Variants in DRC2 observed in about 807,000 individuals in gnomAD.
DRC2 encodes the protein dynein regulatory complex subunit 2, also known as coiled-coil domain containing 65.
chr12:48,915,889 G>A, the DRC2 span, among the ~76,000 whole-genome samples: 2 of 150,342 alleles, frequency 1.3e-5, no homozygotes, highest in African/African-American at 2.4e-5. Context: ...CAGACGGGGC[G>A]GCTGGGCAGA....
At chr12:48,921,061 G>C in the DRC2 span, 1 of 1,611,790 alleles carries the variant, frequency 6.2e-7, no homozygotes, top group Non-Finnish European at 8.5e-7. Flanking sequence ...ATCTAGAAGA[G>C]CTTACTGAGG....
chr12:48,915,256 C>T, the DRC2 span, among the ~76,000 whole-genome samples: 4 of 150,540 alleles, frequency 2.7e-5, no homozygotes, highest in African/African-American at 7.3e-5. Context: ...GAGGACCCTG[C>T]GGCCTTCCAC....
chr12:48,917,372 GA>G, the DRC2 span, among the ~76,000 whole-genome samples: 1 of 149,914 alleles, frequency 6.7e-6, no homozygotes, highest in Non-Finnish European at 1.5e-5. Flanking sequence ...GCTGAGGTAG[GA>G]TGATCGCTTG....
At chr12:48,919,392 T>C in the DRC2 span, among the ~76,000 whole-genome samples, 1 of 151,234 alleles carries the variant, frequency 6.6e-6, no homozygotes, top group African/African-American at 2.4e-5. Flanking sequence ...AGAGATGGGG[T>C]TTCGCCATGT....
chr12:48,918,602 TCCC>T, the DRC2 span: 1 of 1,500,314 alleles, frequency 6.7e-7, no homozygotes, highest in Non-Finnish European at 9.1e-7. Flanking sequence ...CTGATTTCAG[TCCC>T]CAGGCAGCCC....
At chr12:48,905,636 C>A in the DRC2 span, among the ~76,000 whole-genome samples, 1 of 152,196 alleles carries the variant, frequency 6.6e-6, no homozygotes, top group Admixed American at 6.6e-5. Flanking sequence ...ATCAGCCATC[C>A]TTATGCTCTT....
At chr12:48,911,163 A>G in the DRC2 span, among the ~76,000 whole-genome samples, 1 of 152,204 alleles carries the variant, frequency 6.6e-6, no homozygotes, top group East Asian at 1.9e-4. Flanking sequence ...CAAGAGGCAC[A>G]TATTGTCTAG....
the DRC2 span, chr12:48,916,863 A>G: frequency 2.0e-6 from 2 of 1,007,768 alleles, no homozygotes; most frequent in Non-Finnish European, 2.9e-6. Flanking sequence ...CTCCATCAGT[A>G]CCTAAGAGTT....
At chr12:48,909,037 C>CTTTTTT in the DRC2 span, among the ~76,000 whole-genome samples, 301 of 82,290 alleles carry the variant, frequency 3.7e-3, 2 homozygotes, top group African/African-American at 8.6e-3. Context: ...TTTTCTTTCT[C>CTTTTTT]TTTTTTTTTT....
the DRC2 span, chr12:48,918,340 G>A: frequency 6.2e-7 from 1 of 1,614,196 alleles, no homozygotes; most frequent in African/African-American, 1.3e-5. Context: ...TGTGGAGAAA[G>A]TTCCAGGATG....
chr12:48,913,516 C>T, the DRC2 span, among the ~76,000 whole-genome samples: 4 of 150,036 alleles, frequency 2.7e-5, no homozygotes, highest in South Asian at 4.2e-4. Context: ...ATTTTGAGAC[C>T]GAGTCTCGCA....
chr12:48,916,135 G>C, the DRC2 span, among the ~76,000 whole-genome samples: 1 of 144,528 alleles, frequency 6.9e-6, no homozygotes, highest in Non-Finnish European at 1.5e-5. Flanking sequence ...CAGGCAGAGG[G>C]GCTCCTCACA....
the DRC2 span, among the ~76,000 whole-genome samples, chr12:48,904,661 A>G: frequency 6.6e-6 from 1 of 152,158 alleles, no homozygotes; most frequent in East Asian, 1.9e-4. Flanking sequence ...GGTGCGTGGT[A>G]TACGGCTTGG....
At chr12:48,915,782 C>A in the DRC2 span, among the ~76,000 whole-genome samples, 1 of 149,272 alleles carries the variant, frequency 6.7e-6, no homozygotes, top group Non-Finnish European at 1.5e-5. Flanking sequence ...GGGGGGCTGA[C>A]CCCCCCACCT....
chr12:48,917,472 TAAAAA>T, the DRC2 span, among the ~76,000 whole-genome samples: 1 of 150,634 alleles, frequency 6.6e-6, no homozygotes, highest in Non-Finnish European at 1.5e-5. Context: ...TCAAAAAAAT[TAAAAA>T]AAGAAAAAAA....
the DRC2 span, among the ~76,000 whole-genome samples, chr12:48,919,478 A>T: frequency 6.6e-6 from 1 of 151,420 alleles, no homozygotes; most frequent in Non-Finnish European, 1.5e-5. Context: ...GATTACAGGC[A>T]TGAGCCACTG....
At chr12:48,909,995 G>A in the DRC2 span, among the ~76,000 whole-genome samples, 1 of 152,006 alleles carries the variant, frequency 6.6e-6, no homozygotes, top group Non-Finnish European at 1.5e-5. Context: ...GGCCAGGTTG[G>A]TCTGGAACTC....
chr12:48,914,446 C>T, the DRC2 span: 11 of 1,614,006 alleles, frequency 6.8e-6, no homozygotes, highest in Non-Finnish European at 8.5e-6. Flanking sequence ...GCAGTACGCC[C>T]ATGCCCTGCG....
chr12:48,917,164 A>C, the DRC2 span: 1 of 1,602,212 alleles, frequency 6.2e-7, no homozygotes, highest in Non-Finnish European at 8.5e-7. Context: ...AAAAATGCTC[A>C]AGGAGGCTGG....
Sources: allele counts gnomAD v4.1 joint callset (sites outside exome capture counted in the v4.1 genomes callset), GRCh38; gene constraint gnomAD v4.1.1; transcripts MANE v1.5; gene names NCBI Gene and HGNC (gene_info 2026-07-23, HGNC 2026-07-21).